Variants in GRM5 observed in about 807,000 individuals in gnomAD.
GRM5 encodes glutamate metabotropic receptor 5.
GRM5 carries 19 observed loss-of-function variants against 83.1 expected under a neutral mutation model. The observed-to-expected ratio is 0.23, with a 90% confidence interval of 0.16 to 0.34. The LOEUF is 0.34. Among genes scored for constraint, GRM5 ranks in the 10% least tolerant of loss-of-function variants. The probability of loss-of-function intolerance (pLI) is 1.00; values close to 1 mark genes in which losing one functional copy is unlikely to be tolerated. For missense variants in GRM5, 1,160 were observed against 1,588.3 expected, an observed-to-expected ratio of 0.73 and a Z score of 4.58; for synonymous variants, 675 against 633.6, an observed-to-expected ratio of 1.07 and a Z score of -0.98.
chr11:88,678,425 A>G (rs1940392191), intron 3 of GRM5, among the ~76,000 whole-genome samples: 1 of 152,086 alleles, frequency 6.6e-6, no homozygotes, highest in Admixed American at 6.6e-5. Flanking sequence ...TCTGGACCAC[A>G]CCATCTACAT....
At chr11:88,950,544 T>C (rs531593777) in intron 2 of GRM5, among the ~76,000 whole-genome samples, 1 of 152,192 alleles carries the variant, frequency 6.6e-6, no homozygotes, top group East Asian at 1.9e-4. Flanking sequence ...AGAAATAATG[T>C]GAAAACTATT....
chr11:88,796,195 G>A (rs1414586743), intron 3 of GRM5, among the ~76,000 whole-genome samples: 4 of 152,164 alleles, frequency 2.6e-5, no homozygotes, highest in Non-Finnish European at 5.9e-5. Flanking sequence ...TCAGCCATGT[G>A]GTTAGCTAAT....
chr11:88,632,914 T>G (rs1461192530), intron 4 of GRM5, among the ~76,000 whole-genome samples: 3 of 152,212 alleles, frequency 2.0e-5, no homozygotes, highest in African/African-American at 7.2e-5. Flanking sequence ...TGGTATAAAT[T>G]TTTGTTTTCC....
chr11:88,931,682 C>T (rs1016901018), intron 2 of GRM5, among the ~76,000 whole-genome samples: 10 of 151,986 alleles, frequency 6.6e-5, no homozygotes, highest in Non-Finnish European at 1.0e-4. Context: ...TCCTTTGTAC[C>T]GGCTCTATAT....
At chr11:88,518,977 T>C (rs1048598100) in intron 9 of GRM5, among the ~76,000 whole-genome samples, 2 of 149,050 alleles carry the variant, frequency 1.3e-5, no homozygotes, top group African/African-American at 5.0e-5. Flanking sequence ...ATTTTTGTTT[T>C]GTGGCCTTAA....
intron 3 of GRM5, among the ~76,000 whole-genome samples, chr11:88,829,810 GA>G (rs1359888836): frequency 6.6e-6 from 1 of 152,070 alleles, no homozygotes; most frequent in Non-Finnish European, 1.5e-5. Flanking sequence ...GAGGAGTGAA[GA>G]AGCTATAAAA....
chr11:88,553,788 G>A (rs1474067461), intron 8 of GRM5, among the ~76,000 whole-genome samples: 4 of 152,162 alleles, frequency 2.6e-5, no homozygotes, highest in African/African-American at 9.6e-5. Context: ...GAACATGCAT[G>A]TTGGGGGGAA....
chr11:88,917,133 A>G (rs1216912053), intron 2 of GRM5, among the ~76,000 whole-genome samples: 4 of 152,212 alleles, frequency 2.6e-5, no homozygotes, highest in African/African-American at 9.6e-5. Flanking sequence ...CAGGCAGCTC[A>G]GTACGAAGAG....
chr11:88,655,377 G>C (rs1939740768), intron 3 of GRM5, among the ~76,000 whole-genome samples: 1 of 151,996 alleles, frequency 6.6e-6, no homozygotes, highest in African/African-American at 2.4e-5. Flanking sequence ...GTTGCAAATG[G>C]GACAGGAAGC....
At chr11:88,824,325 G>A (rs557024679) in intron 3 of GRM5, among the ~76,000 whole-genome samples, 1 of 152,202 alleles carries the variant, frequency 6.6e-6, no homozygotes, top group East Asian at 1.9e-4. Context: ...GAACATACAA[G>A]GAACTACCAG....
intron 2 of GRM5, among the ~76,000 whole-genome samples, chr11:88,876,713 C>A (rs1424160429): frequency 6.6e-6 from 1 of 152,036 alleles, no homozygotes; most frequent in African/African-American, 2.4e-5. Flanking sequence ...TCTCTGACAA[C>A]AGGGAAGCCC....
At chr11:88,918,522 G>C (rs1380824201) in intron 2 of GRM5, among the ~76,000 whole-genome samples, 4 of 151,680 alleles carry the variant, frequency 2.6e-5, no homozygotes, top group Admixed American at 1.3e-4. Flanking sequence ...GAAAGAAAAG[G>C]ACATTAAGGA....
At chr11:88,572,401 A>G (rs1241050355) in intron 7 of GRM5, among the ~76,000 whole-genome samples, 1 of 152,202 alleles carries the variant, frequency 6.6e-6, no homozygotes, top group African/African-American at 2.4e-5. Flanking sequence ...TGGATGGCCC[A>G]CCACAGTCTC....
At chr11:88,945,419 A>G (rs1938249243) in intron 2 of GRM5, among the ~76,000 whole-genome samples, 1 of 152,134 alleles carries the variant, frequency 6.6e-6, no homozygotes, top group African/African-American at 2.4e-5. Context: ...GAACAAAAAA[A>G]GAGCCTGAAT....
intron 4 of GRM5, among the ~76,000 whole-genome samples, chr11:88,611,941 C>G (rs970265651): frequency 1.3e-5 from 2 of 151,664 alleles, no homozygotes; most frequent in African/African-American, 4.8e-5. Flanking sequence ...TCATTAGTTT[C>G]AAAGAATTTA....
intron 7 of GRM5, among the ~76,000 whole-genome samples, chr11:88,590,260 G>A (rs1183762058): frequency 2.0e-5 from 3 of 151,994 alleles, no homozygotes; most frequent in Non-Finnish European, 4.4e-5. Context: ...TTTCTCACTG[G>A]CTAAAACTTC....
intron 3 of GRM5, among the ~76,000 whole-genome samples, chr11:88,769,556 T>A (rs1942689111): frequency 6.6e-6 from 1 of 151,916 alleles, no homozygotes; most frequent in Non-Finnish European, 1.5e-5. Context: ...ATGTTGTGGT[T>A]CCATTGGGTA....
chr11:89,053,692 A>G (rs898416538), intron 1 of GRM5, among the ~76,000 whole-genome samples: 2 of 151,836 alleles, frequency 1.3e-5, no homozygotes, highest in African/African-American at 4.8e-5. Context: ...CAAAAAAAAA[A>G]AAACAAAATG....
intron 7 of GRM5, among the ~76,000 whole-genome samples, chr11:88,569,088 A>G (rs903305588): frequency 3.3e-5 from 5 of 152,210 alleles, no homozygotes; most frequent in African/African-American, 1.2e-4. Context: ...AAGACTATAT[A>G]TATACATATT....
Sources: allele counts gnomAD v4.1 joint callset (sites outside exome capture counted in the v4.1 genomes callset), GRCh38; gene constraint gnomAD v4.1.1; transcripts MANE v1.5; gene names NCBI Gene and HGNC (gene_info 2026-07-23, HGNC 2026-07-21).